Variants in PALM2AKAP2 observed in about 807,000 individuals in gnomAD.
The protein encoded by PALM2AKAP2 is PALM2 and AKAP2 fusion, also known as PALM2-AKAP2 fusion protein.
A neutral mutation model predicts 71.5 loss-of-function variants in PALM2AKAP2; 37 were observed. That is an observed-to-expected ratio of 0.52 (90% CI 0.40 to 0.68). PALM2AKAP2 has a LOEUF of 0.68. Ranked by LOEUF, PALM2AKAP2 falls within the 30% of genes least tolerant of loss-of-function variation. The pLI is 0.00. For synonymous variants in PALM2AKAP2, 468 were observed against 478.8 expected, an observed-to-expected ratio of 0.98 and a Z score of 0.29; for missense variants, 1,224 against 1,191.8, an observed-to-expected ratio of 1.03 and a Z score of -0.40.
At chr9:109,962,319 G>T (rs372039489) in intron 6 of PALM2AKAP2, among the ~76,000 whole-genome samples, 4 of 152,166 alleles carry the variant, frequency 2.6e-5, no homozygotes, top group African/African-American at 9.7e-5. Flanking sequence ...TGAGAGCCAG[G>T]GAACAACCCC....
At chr9:109,714,441 T>C (rs1458972587) in intron 1 of PALM2AKAP2, among the ~76,000 whole-genome samples, 2 of 152,140 alleles carry the variant, frequency 1.3e-5, no homozygotes, top group Non-Finnish European at 2.9e-5. Context: ...TTCTCCTCCA[T>C]TCCAAGATCA....
chr9:109,767,991 G>C (rs10980030), intron 1 of PALM2AKAP2, among the ~76,000 whole-genome samples: 1 of 69,640 alleles, frequency 1.4e-5, no homozygotes, highest in African/African-American at 1.1e-4. Context: ...GAAGGAAGGA[G>C]GGAGCAAAGG....
At chr9:109,903,515 A>C (rs951797668) in intron 3 of PALM2AKAP2, among the ~76,000 whole-genome samples, 1 of 152,172 alleles carries the variant, frequency 6.6e-6, no homozygotes, top group Non-Finnish European at 1.5e-5. Context: ...TACATGGCTT[A>C]GCTGGATATT....
At chr9:110,115,077 G>A (rs1191100471) in intron 1 of PALM2AKAP2, among the ~76,000 whole-genome samples, 1 of 152,200 alleles carries the variant, frequency 6.6e-6, no homozygotes, top group Non-Finnish European at 1.5e-5. Context: ...TCCTGCAGAG[G>A]TTCCTTCCTG....
intron 6 of PALM2AKAP2, among the ~76,000 whole-genome samples, chr9:110,001,137 A>C (rs1385903062): frequency 6.6e-6 from 1 of 152,190 alleles, no homozygotes; most frequent in Non-Finnish European, 1.5e-5. Context: ...TAGAGTTTTT[A>C]TGGTTTTAGG....
At position 109,840,341 on chromosome 9, in the gene PALM2AKAP2, C is replaced by G. The variant is rs143652638; in HGVS notation, c.46-27150C>G. Reference sequence around the variant, plus strand: ...TAGAAAGCTGAAACTGGATCCCTTCCTTACACCTTATACAAAAATTAATTC... The same window carrying G: ...TAGAAAGCTGAAACTGGATCCCTTCGTTACACCTTATACAAAAATTAATTC... On this transcript the variant is annotated intron_variant, in intron 1 of 9. Coordinates refer to the PALM2AKAP2 transcript ENST00000302798. 5.4e-3 allele frequency among the ~76,000 whole-genome samples: 819 copies of G among 152,276 alleles called. 8 individuals carry two copies. The highest frequency in any genetic ancestry group is 0.019 in the African/African-American group (779 of 41,542).
At chr9:109,715,528 C>A (rs570373238) in intron 1 of PALM2AKAP2, among the ~76,000 whole-genome samples, 1 of 152,282 alleles carries the variant, frequency 6.6e-6, no homozygotes, top group Non-Finnish European at 1.5e-5. Flanking sequence ...TGTGAGCATT[C>A]CATTCCAATC....
At chr9:110,042,794 C>A (rs1833531003) in intron 7 of PALM2AKAP2, among the ~76,000 whole-genome samples, 1 of 151,784 alleles carries the variant, frequency 6.6e-6, no homozygotes, top group Non-Finnish European at 1.5e-5. Flanking sequence ...TTTTAAAATT[C>A]TTTTTTAATT....
chr9:109,974,751 A>G (rs887329218), intron 6 of PALM2AKAP2, among the ~76,000 whole-genome samples: 7 of 152,206 alleles, frequency 4.6e-5, no homozygotes, highest in Non-Finnish European at 7.3e-5. Flanking sequence ...CTTTGCAAGC[A>G]GGACTAATTA....
chr9:110,008,392 A>G (rs528061196), intron 6 of PALM2AKAP2, among the ~76,000 whole-genome samples: 2 of 152,030 alleles, frequency 1.3e-5, no homozygotes, highest in East Asian at 3.9e-4. Flanking sequence ...CCTGGGCAAC[A>G]TGGTGAAACC....
intron 7 of PALM2AKAP2, among the ~76,000 whole-genome samples, chr9:110,040,374 T>A (rs1689370839): frequency 6.6e-6 from 1 of 152,204 alleles, no homozygotes; most frequent in South Asian, 2.1e-4. Flanking sequence ...TTCAGTGAAG[T>A]TTACGTTAAT....
intron 6 of PALM2AKAP2, among the ~76,000 whole-genome samples, chr9:110,006,112 G>A (rs147309282): frequency 1.1e-4 from 16 of 152,214 alleles, no homozygotes; most frequent in East Asian, 3.9e-4. Context: ...TGTCTTCTGC[G>A]TCACTCATGC....
At chr9:110,146,798 G>A (rs987430668) in intron 2 of PALM2AKAP2, among the ~76,000 whole-genome samples, 2 of 152,162 alleles carry the variant, frequency 1.3e-5, no homozygotes, top group Non-Finnish European at 2.9e-5. Flanking sequence ...CAGGGAGAGA[G>A]TGTATGGGGC....
chr9:110,028,104 A>T (rs2132400944), intron 7 of PALM2AKAP2, among the ~76,000 whole-genome samples: 1 of 152,324 alleles, frequency 6.6e-6, no homozygotes, highest in South Asian at 2.1e-4. Flanking sequence ...TATCGGTACT[A>T]TATGGGTCAG....
At chr9:109,753,385 C>T (rs895387748) in intron 1 of PALM2AKAP2, among the ~76,000 whole-genome samples, 4 of 152,114 alleles carry the variant, frequency 2.6e-5, no homozygotes, top group African/African-American at 9.7e-5. Context: ...AGGGTGCCTC[C>T]TTCCTCAGTT....
chr9:109,853,627 A>G (rs1031250855), intron 1 of PALM2AKAP2, among the ~76,000 whole-genome samples: 2 of 152,194 alleles, frequency 1.3e-5, no homozygotes, highest in Non-Finnish European at 2.9e-5. Flanking sequence ...CATTGGCATA[A>G]TTTCCCCTTT....
intron 1 of PALM2AKAP2, among the ~76,000 whole-genome samples, chr9:110,101,330 T>C (rs1834994941): frequency 6.6e-6 from 1 of 152,164 alleles, no homozygotes; most frequent in South Asian, 2.1e-4. Context: ...TGTCCAAGGG[T>C]GGATGTCCAG....
At chr9:110,129,230 A>G (rs565115370) in intron 1 of PALM2AKAP2, among the ~76,000 whole-genome samples, 1 of 152,346 alleles carries the variant, frequency 6.6e-6, no homozygotes, top group East Asian at 1.9e-4. Context: ...CCAAGACTGA[A>G]TAAAGAAGGT....
At chr9:109,782,376 C>T (rs1564145928) in intron 1 of PALM2AKAP2, among the ~76,000 whole-genome samples, 1 of 152,130 alleles carries the variant, frequency 6.6e-6, no homozygotes, top group Non-Finnish European at 1.5e-5. Flanking sequence ...GTCTGCCCTC[C>T]CTATTCATGG....
Sources: gnomAD v4.1 joint callset for allele counts (sites outside exome capture counted in the v4.1 genomes callset) on GRCh38, gnomAD v4.1.1 for gene constraint, MANE v1.5 for transcripts, NCBI Gene and HGNC (gene_info 2026-07-23, HGNC 2026-07-21) for gene names.